AKAP7: variants seen among roughly 807,000 people sequenced by gnomAD.
AKAP7 encodes the protein A kinase (PRKA) anchor protein 7.
Under a neutral mutation model 39.5 loss-of-function variants are expected in AKAP7, and 39 were observed. The ratio of observed to expected loss-of-function variants is 0.99; its 90% CI spans 0.76 to 1.29. AKAP7 has a LOEUF of 1.29. Among genes scored for constraint, AKAP7 ranks in the 50% most tolerant of loss-of-function variants. The probability of loss-of-function intolerance (pLI) is 0.00; values close to 1 mark genes in which losing one functional copy is unlikely to be tolerated. For missense variants in AKAP7, 414 were observed against 407.7 expected, an observed-to-expected ratio of 1.02 and a Z score of -0.13; for synonymous variants, 140 against 139.1, an observed-to-expected ratio of 1.01 and a Z score of -0.05.
rs946368461 is a variant in AKAP7, at chr6:131,135,649, C to G, written c.-115C>G. ...CCCCGCGCCGGCCCAGCGCACCGCCCTCAGGCCCCGAGCCCCGCCCTGGCC... is the reference window on the plus strand; with the variant it reads ...CCCCGCGCCGGCCCAGCGCACCGCCGTCAGGCCCCGAGCCCCGCCCTGGCC... On this transcript the variant is annotated 5_prime_UTR_variant, in exon 1 of 8. Transcript: ENST00000431975. 3.5e-5 allele frequency: 33 copies of G among 947,646 alleles called. No individual in the cohort carries two copies. The African/African-American group carries it at 5.5e-4, about 16-fold the overall frequency. The allele number at this position is 947,646 out of a possible 1,614,324, so 58.7% of individuals were successfully genotyped here.
chr6:131,129,513 C>T, the AKAP7 span, among the ~76,000 whole-genome samples: 2 of 151,780 alleles, frequency 1.3e-5, no homozygotes, highest in East Asian at 1.9e-4. Flanking sequence ...ACATTTTATT[C>T]CATAAGTTTT....
Position 131,266,736 on chromosome 6 carries a change from G to C in AKAP7, c.851-14794G>C, listed in dbSNP as rs1009575239. ...TTTTAACGGTGTGCTCTGTCTCTCTGTTCATTTTTATGATATTTCTAGAAA... is the reference window on the plus strand; with the variant it reads ...TTTTAACGGTGTGCTCTGTCTCTCTCTTCATTTTTATGATATTTCTAGAAA... On this transcript the variant is annotated intron_variant, in intron 7 of 7. Transcript: ENST00000431975. Among the ~76,000 whole-genome samples, 5 of 151,786 alleles carry C rather than the reference G, an allele frequency of 3.3e-5. No homozygotes were observed. In the East Asian group the frequency reaches 9.7e-4, roughly 29 times the overall value.
chr6:131,209,567 A>C (rs1001312855), intron 6 of AKAP7, among the ~76,000 whole-genome samples: 2 of 152,160 alleles, frequency 1.3e-5, no homozygotes, highest in African/African-American at 2.4e-5. Flanking sequence ...CTTCTGATTT[A>C]AGTGTAATTG....
upstream of AKAP7, among the ~76,000 whole-genome samples, chr6:131,133,938 C>G (rs997064551): frequency 2.0e-5 from 3 of 152,110 alleles, no homozygotes; most frequent in African/African-American, 7.2e-5. Flanking sequence ...GACTCATTCT[C>G]CTCTTTCTGG....
At chr6:131,217,445 T>C (rs971503688) in intron 6 of AKAP7, among the ~76,000 whole-genome samples, 1 of 152,168 alleles carries the variant, frequency 6.6e-6, no homozygotes, top group Non-Finnish European at 1.5e-5. Flanking sequence ...GAAATTGTGA[T>C]ATATATCAGA....
chr6:131,191,819 C>G (rs1806432445), intron 5 of AKAP7, among the ~76,000 whole-genome samples: 1 of 151,488 alleles, frequency 6.6e-6, no homozygotes, highest in South Asian at 2.1e-4. Flanking sequence ...GCCTTTCAGC[C>G]TGCCTGGTCC....
intron 7 of AKAP7, among the ~76,000 whole-genome samples, chr6:131,244,204 G>C (rs144565161): frequency 3.9e-5 from 6 of 152,262 alleles, no homozygotes; most frequent in Non-Finnish European, 8.8e-5. Flanking sequence ...TAAAACTCCA[G>C]TATGACTTGG....
chr6:131,126,518 C>T, the AKAP7 span, among the ~76,000 whole-genome samples: 2 of 152,136 alleles, frequency 1.3e-5, no homozygotes, highest in Non-Finnish European at 2.9e-5. Flanking sequence ...AGAGTTGACT[C>T]TTTAAGATTA....
At chr6:131,186,082 A>G (rs976683009) in intron 5 of AKAP7, among the ~76,000 whole-genome samples, 1 of 152,162 alleles carries the variant, frequency 6.6e-6, no homozygotes, top group Non-Finnish European at 1.5e-5. Flanking sequence ...CTGCTGATGT[A>G]GTTTGTATGT....
intron 1 of AKAP7, 145 bp from the exon 2 acceptor site, chr6:131,145,140 A>G (rs1444309239): frequency 4.4e-6 from 2 of 457,066 alleles, no homozygotes; most frequent in Non-Finnish European, 6.9e-6. Flanking sequence ...AAATAGCTTT[A>G]TGATATATTT....
chr6:131,253,054 T>C (rs1226382843), intron 7 of AKAP7: 1 of 1,613,450 alleles, frequency 6.2e-7, no homozygotes, highest in Non-Finnish European at 8.5e-7. Context: ...GGAAAGCTCG[T>C]CCTCTGCAGT....
intron 7 of AKAP7, among the ~76,000 whole-genome samples, chr6:131,233,902 TATTGGATATCTGATTAATTG>T (rs1810826350): frequency 6.6e-6 from 1 of 152,250 alleles, no homozygotes; most frequent in Admixed American, 6.5e-5. Context: ...CCCTGATTAC[TATTGGATATCTGATTAATTG>T]GAAGAGAGGT....
intron 2 of AKAP7, among the ~76,000 whole-genome samples, chr6:131,151,511 G>A (rs2128231237): frequency 6.6e-6 from 1 of 151,838 alleles, no homozygotes; most frequent in East Asian, 2.0e-4. Flanking sequence ...TTGGGAGGCT[G>A]AGGCGGGTGG....
intron 7 of AKAP7, among the ~76,000 whole-genome samples, chr6:131,262,795 G>T (rs1813460781): frequency 6.6e-6 from 1 of 152,126 alleles, no homozygotes; most frequent in Non-Finnish European, 1.5e-5. Flanking sequence ...CACGTGTTCT[G>T]CAATGTTATA....
rs114698986 is a variant in AKAP7, at chr6:131,198,658, G to A, written c.590-803G>A. 2.7e-3 allele frequency among the ~76,000 whole-genome samples: 408 copies of A among 152,164 alleles called. 1 individual carries two copies. Among genetic ancestry groups the A allele is most frequent in the African/African-American group, 9.4e-3 (390 of 41,510 alleles). ...GTCTGGCTAATGGAACAGTATTCCTGGGCTCCATCTGGGTTTCTCCTACTT... is the reference window on the plus strand; with the variant it reads ...GTCTGGCTAATGGAACAGTATTCCTAGGCTCCATCTGGGTTTCTCCTACTT... On this transcript the variant is annotated intron_variant, in intron 5 of 7. Coordinates refer to ENST00000431975, the MANE Select transcript of AKAP7 (RefSeq NM_016377.4).
intron 5 of AKAP7, among the ~76,000 whole-genome samples, chr6:131,183,318 G>A (rs773731658): frequency 6.6e-6 from 1 of 152,116 alleles, no homozygotes; most frequent in East Asian, 1.9e-4. Flanking sequence ...AGCTGCTAGC[G>A]AGCATGCAGG....
intron 7 of AKAP7, chr6:131,253,188 A>G: frequency 7.7e-7 from 1 of 1,291,954 alleles, no homozygotes; most frequent in Non-Finnish European, 1.1e-6. Context: ...GATAGAAATA[A>G]TTCTAATTTA....
chr6:131,255,505 CTTTA>C (rs919829763), intron 7 of AKAP7, among the ~76,000 whole-genome samples: 2 of 152,220 alleles, frequency 1.3e-5, no homozygotes, highest in East Asian at 1.9e-4. Context: ...GACAGTGACA[CTTTA>C]TTTTTCTTCC....
chr6:131,257,937 G>A (rs1019412558), intron 7 of AKAP7, among the ~76,000 whole-genome samples: 12 of 152,148 alleles, frequency 7.9e-5, no homozygotes, highest in African/African-American at 2.7e-4. Flanking sequence ...CCATAGTTAT[G>A]CCAAGCTGAC....
Sources: gnomAD v4.1 joint callset for allele counts (sites outside exome capture counted in the v4.1 genomes callset) on GRCh38, gnomAD v4.1.1 for gene constraint, MANE v1.5 for transcripts, NCBI Gene and HGNC (gene_info 2026-07-23, HGNC 2026-07-21) for gene names.